The following ARMC9 variants were observed in gnomAD, a reference collection of about 807,000 sequenced individuals.
ARMC9 encodes lisH domain-containing protein ARMC9.
A neutral mutation model predicts 107.0 loss-of-function variants in ARMC9; 94 were observed. That is an observed-to-expected ratio of 0.88 (90% CI 0.74 to 1.04). The LOEUF (loss-of-function observed/expected upper bound fraction) is 1.04, where lower values mean the gene tolerates loss of function less well. Ranked by LOEUF, ARMC9 falls within the 50% of genes least tolerant of loss-of-function variation. The pLI, the probability that ARMC9 is intolerant of heterozygous loss-of-function variation, is 0.00. For missense variants in ARMC9, 942 were observed against 1,030.1 expected (o/e 0.91, Z 1.17); for synonymous variants, 380 against 396.9 (o/e 0.96, Z 0.51).
chr2:231,308,780 G>A (rs551123852), intron 19 of ARMC9, among the ~76,000 whole-genome samples: 8 of 152,192 alleles, frequency 5.3e-5, no homozygotes, highest in Admixed American at 6.5e-5. Flanking sequence ...CTTTCTCTTC[G>A]GCCACCTTCA....
intron 16 of ARMC9, among the ~76,000 whole-genome samples, chr2:231,279,403 T>C (rs2040020931): frequency 6.6e-6 from 1 of 152,172 alleles, no homozygotes; most frequent in African/African-American, 2.4e-5. Context: ...CTAACCACTT[T>C]AGACAGATGA....
chr2:231,319,712 C>G (rs1013132628), intron 19 of ARMC9, among the ~76,000 whole-genome samples: 1 of 152,214 alleles, frequency 6.6e-6, no homozygotes, highest in African/African-American at 2.4e-5. Flanking sequence ...ACACCCCTCT[C>G]TGTACTAACT....
At chr2:231,322,952 GT>G (rs1239453580) in intron 19 of ARMC9, among the ~76,000 whole-genome samples, 7 of 152,204 alleles carry the variant, frequency 4.6e-5, no homozygotes, top group Non-Finnish European at 8.8e-5. Flanking sequence ...GCTCAGACAA[GT>G]TAGCACAGTG....
In ARMC9 at chr2:231,355,774, GCCGTTTTTCATGTT is replaced by G. The variant is rs1209865527; in HGVS notation, c.1995-23_1995-10del. On this transcript the variant is annotated splice_polypyrimidine_tract_variant and intron_variant, in intron 21 of 24. Transcript: ENST00000611582. The stretch of plus-strand genomic sequence containing the variant: ...AATCTCCTGGCTGGCTGTACTCACT[GCCGTTTTTCATGTT>G]TTTCTCCAGGGTGGAAGACCAACAC... 6.6e-7 allele frequency: 1 copy of G among 1,521,426 alleles called. No individual in the cohort carries two copies. The allele number at this position is 1,521,426 out of a possible 1,614,324, so 94.2% of individuals were successfully genotyped here. A position where few individuals can be genotyped will look rare whatever the true frequency, so the allele number is the denominator to read the frequency against.
intron 20 of ARMC9, among the ~76,000 whole-genome samples, chr2:231,344,469 A>G (rs1470695548): frequency 1.3e-5 from 2 of 152,142 alleles, no homozygotes; most frequent in East Asian, 1.9e-4. Flanking sequence ...CCGATTATCA[A>G]TTTAGTGTTT....
chr2:231,199,078 C>T (rs2030274569), intron 1 of ARMC9: 1 of 152,192 alleles, frequency 6.6e-6, no homozygotes, highest in Non-Finnish European at 1.5e-5. Context: ...TAGCCGCGTT[C>T]CTGAGGCACC....
chr2:231,220,521 C>T (rs55898244), intron 5 of ARMC9, among the ~76,000 whole-genome samples: 29,462 of 147,976 alleles, frequency 0.2, 3,952 homozygotes, highest in East Asian at 0.53. Context: ...CTCTTGAACC[C>T]GGGAGGCGGA....
intron 19 of ARMC9, among the ~76,000 whole-genome samples, chr2:231,327,934 G>A (rs914298596): frequency 6.6e-6 from 1 of 152,092 alleles, no homozygotes; most frequent in Non-Finnish European, 1.5e-5. Context: ...ACAGGCACAT[G>A]CCACCAGGCC....
intron 6 of ARMC9, among the ~76,000 whole-genome samples, chr2:231,223,122 C>T (rs1307127571): frequency 6.6e-6 from 1 of 152,186 alleles, no homozygotes; most frequent in Non-Finnish European, 1.5e-5. Flanking sequence ...GGATAATTGT[C>T]CCTTTGCAGA....
chr2:231,206,135 AC>A, intron 1 of ARMC9, 62 bp from the exon 2 acceptor site: 1 of 1,015,360 alleles, frequency 9.8e-7, no homozygotes, highest in Non-Finnish European at 1.6e-6. Flanking sequence ...CACCACAACC[AC>A]CTTTTTGTAG....
Position 231,208,205 on chromosome 2 carries a change from A to G in ARMC9, c.130A>G (p.Lys44Glu), listed in dbSNP as rs1574845532. 6.2e-7 allele frequency: 1 copy of G among 1,610,414 alleles called. No homozygotes were observed. The highest frequency in any genetic ancestry group is 1.7e-4 in the Middle Eastern group (1 of 6,054). ...ECKIKGKPLCKTVGGSFRDSK... is the reference protein window; with the variant it reads ...ECKIKGKPLCETVGGSFRDSK... ...CAAAATAAAAGGAAAACCATTGTGT[A>G]AAACAGTAGGCGGATCTTTCAGAGA... The change falls in exon 3 of 25, where the codon AAA (lysine) becomes GAA (glutamate). Residue 44 changes from lysine (K) to glutamate (E), a missense_variant. Transcript: ENST00000611582.
chr2:231,374,254 C>T lies in ARMC9; in HGVS notation c.*2719C>T, dbSNP rs1237448368. The stretch of plus-strand genomic sequence containing the variant: ...CCCTTGAAAACTACCAAGGAAGCCA[C>T]AGAGAGGGATCTTTGGACCTTCTGG... On this transcript the variant is annotated 3_prime_UTR_variant, in exon 25 of 25. Transcript: ENST00000611582. 1 of 152,172 alleles carries T rather than the reference C, an allele frequency of 6.6e-6. No individual in the cohort carries two copies. The highest frequency in any genetic ancestry group is 1.5e-5 in the Non-Finnish European group (1 of 68,026). 9.4% of individuals were successfully genotyped at this position (152,172 alleles called of 1,614,324 possible).
At chr2:231,270,838 C>A in intron 12 of ARMC9, 144 bp from the exon 13 acceptor site, 1 of 751,414 alleles carries the variant, frequency 1.3e-6, no homozygotes, top group Non-Finnish European at 2.3e-6. Flanking sequence ...ACAAGGATTC[C>A]AGATGAAATG....
chr2:231,368,566 G>A (rs932513504), intron 23 of ARMC9, among the ~76,000 whole-genome samples: 6 of 152,200 alleles, frequency 3.9e-5, no homozygotes, highest in African/African-American at 1.4e-4. Context: ...AAGCAACAAT[G>A]TCACATAGGC....
At chr2:231,251,294 G>A (rs1195019180) in intron 9 of ARMC9, among the ~76,000 whole-genome samples, 1 of 152,038 alleles carries the variant, frequency 6.6e-6, no homozygotes, top group Non-Finnish European at 1.5e-5. Context: ...GGCCTCCCAA[G>A]TAGCTGGGAC....
chr2:231,302,467 A>G (rs949262540), intron 19 of ARMC9, among the ~76,000 whole-genome samples: 2 of 80,864 alleles, frequency 2.5e-5, no homozygotes, highest in African/African-American at 5.0e-5. Context: ...TTTTTTGCCA[A>G]TCTCTTTAAT....
At chr2:231,291,139 ACCAATGACTG>A (rs2040959435) in intron 17 of ARMC9, among the ~76,000 whole-genome samples, 1 of 152,166 alleles carries the variant, frequency 6.6e-6, no homozygotes, top group Non-Finnish European at 1.5e-5. Flanking sequence ...ATAGTTACCA[ACCAATGACTG>A]CCTTGGCCCT....
intron 19 of ARMC9, among the ~76,000 whole-genome samples, chr2:231,318,820 A>T (rs143946676): frequency 9.9e-4 from 151 of 152,324 alleles, no homozygotes; most frequent in African/African-American, 3.2e-3. Flanking sequence ...CAGGAACAGG[A>T]GTATATGCCT....
At chr2:231,233,816 T>C (rs886792680) in intron 7 of ARMC9, among the ~76,000 whole-genome samples, 1 of 152,154 alleles carries the variant, frequency 6.6e-6, no homozygotes, top group African/African-American at 2.4e-5. Flanking sequence ...GAAATGTATT[T>C]ACAAAGTCTT....
Sources: allele counts gnomAD v4.1 joint callset (sites outside exome capture counted in the v4.1 genomes callset), GRCh38; gene constraint gnomAD v4.1.1; transcripts MANE v1.5; gene names NCBI Gene and HGNC (gene_info 2026-07-23, HGNC 2026-07-21).